PCLO: variants seen among roughly 807,000 people sequenced by gnomAD.
PCLO encodes protein piccolo.
In PCLO, 82 loss-of-function variants were observed where a neutral mutation model predicts 427.5. The observed-to-expected ratio is 0.19, with a 90% CI of 0.16 to 0.23. The LOEUF is 0.23. Among genes scored for constraint, PCLO ranks in the 10% least tolerant of loss-of-function variants. The pLI, the probability that PCLO is intolerant of heterozygous loss-of-function variation, is 1.00. For synonymous variants in PCLO, 2,357 were observed against 2,155.4 expected, an observed-to-expected ratio of 1.09 and a Z score of -2.59; for missense variants, 6,239 against 6,115.9, an observed-to-expected ratio of 1.02 and a Z score of -0.67.
chr7:82,903,574 A>G (rs934241754), intron 8 of PCLO, among the ~76,000 whole-genome samples: 1 of 151,986 alleles, frequency 6.6e-6, no homozygotes, highest in Admixed American at 6.6e-5. Context: ...CTTGTGCTTT[A>G]TATTTCATGG....
Position 82,965,844 on chromosome 7 carries a change from T to A in PCLO, c.3944A>T (p.Lys1315Ile). Residue 1315 changes from lysine (K) to isoleucine (I), a missense_variant, in exon 4 of 25, where the codon AAA becomes ATA. This residue lies in a region of PCLO where 4,677 missense variants were observed against 4,468.4 expected (regional missense o/e 1.05). Transcript: ENST00000333891. ...SLPKEDDKTT[K>I]TIKEQPQPPC... The stretch of plus-strand genomic sequence containing the variant: ...TGGCTGTGGCTGTTCTTTTATTGTT[T>A]TGGTTGTCTTATCATCTTCTTTAGG... 1 of 1,613,958 alleles carries A rather than the reference T, an allele frequency of 6.2e-7. No individual in the cohort carries two copies. The highest frequency in any genetic ancestry group is 8.5e-7 in the Non-Finnish European group (1 of 1,179,856).
chr7:82,816,238 G>A (rs1791676593), intron 20 of PCLO, among the ~76,000 whole-genome samples: 1 of 152,068 alleles, frequency 6.6e-6, no homozygotes, highest in Non-Finnish European at 1.5e-5. Flanking sequence ...AAATAACTAA[G>A]CATTTCATGG....
intron 6 of PCLO, among the ~76,000 whole-genome samples, chr7:82,918,039 A>G (rs1290109433): frequency 6.6e-6 from 1 of 152,012 alleles, no homozygotes; most frequent in Admixed American, 6.6e-5. Context: ...ACATCATAAT[A>G]TGAAACAAAA....
intron 3 of PCLO, among the ~76,000 whole-genome samples, chr7:83,103,034 A>G (rs1288826471): frequency 8.2e-5 from 8 of 97,484 alleles, no homozygotes; most frequent in African/African-American, 3.1e-4. Context: ...GATCACTATA[A>G]TATTGATTGG....
intron 3 of PCLO, among the ~76,000 whole-genome samples, chr7:83,023,284 A>G (rs751574666): frequency 8.5e-5 from 13 of 152,216 alleles, no homozygotes; most frequent in African/African-American, 1.4e-4. Context: ...AAAAGTGACT[A>G]TTCTTAAAAG....
intron 20 of PCLO, chr7:82,820,609 T>G: frequency 1.6e-6 from 2 of 1,229,700 alleles, no homozygotes; most frequent in Non-Finnish European, 2.0e-6. Context: ...AAGAGAGAAC[T>G]TTCACCATGT....
chr7:83,159,789 T>C (rs1005505298), intron 1 of PCLO, among the ~76,000 whole-genome samples: 12 of 151,822 alleles, frequency 7.9e-5, no homozygotes, highest in Admixed American at 2.0e-4. Context: ...TTTGGGACTA[T>C]CTGTTAATTT....
intron 9 of PCLO, among the ~76,000 whole-genome samples, chr7:82,889,145 T>G (rs1023201021): frequency 6.6e-6 from 1 of 152,104 alleles, no homozygotes; most frequent in Admixed American, 6.6e-5. Flanking sequence ...GCACAGCCTT[T>G]GGTTGTTCAG....
intron 3 of PCLO, among the ~76,000 whole-genome samples, chr7:83,016,469 G>C (rs1040799840): frequency 1.3e-5 from 2 of 151,974 alleles, no homozygotes; most frequent in African/African-American, 4.8e-5. Flanking sequence ...TCAACGCTAA[G>C]AAACAAATAT....
Position 82,965,753 on chromosome 7 carries a change from T to C in PCLO, c.4017+18A>G. Reference sequence around the variant, plus strand: ...TTTCACACATGAGAGTGTGAGAAGTTAGTAAAATTTAACTTACTGTTTTTT... The same window carrying C: ...TTTCACACATGAGAGTGTGAGAAGTCAGTAAAATTTAACTTACTGTTTTTT... On this transcript the variant is annotated intron_variant, in intron 4 of 24. Coordinates refer to ENST00000333891, the MANE Select transcript of PCLO (RefSeq NM_033026.6). 2 of 1,522,380 alleles carry C rather than the reference T, an allele frequency of 1.3e-6. No individual in the cohort carries two copies. The highest frequency in any genetic ancestry group is 2.4e-5 in the South Asian group (2 of 82,316). 94.3% of individuals were successfully genotyped at this position (1,522,380 alleles called of 1,614,324 possible).
intron 3 of PCLO, among the ~76,000 whole-genome samples, chr7:83,032,095 T>C (rs1428153260): frequency 6.6e-6 from 1 of 152,142 alleles, no homozygotes; most frequent in East Asian, 1.9e-4. Flanking sequence ...TCTTAAGGCA[T>C]GCAGTAGGAC....
chr7:82,897,466 C>A (rs1023445143), intron 9 of PCLO, among the ~76,000 whole-genome samples: 1 of 151,402 alleles, frequency 6.6e-6, no homozygotes, highest in Non-Finnish European at 1.5e-5. Flanking sequence ...TATGATGCAC[C>A]TGTATAGCTG....
chr7:82,837,349 T>C lies in PCLO; in HGVS notation c.14222+869A>G, dbSNP rs144193718. 2.9e-3 allele frequency among the ~76,000 whole-genome samples: 443 copies of C among 152,024 alleles called. 3 individuals are homozygous for C. The highest frequency in any genetic ancestry group is 0.01 in the African/African-American group (431 of 41,518). The stretch of plus-strand genomic sequence containing the variant: ...GAAAATTTCCAAGTTAAAAGGAAAA[T>C]TCAAATATCACTCCACAAATTAAAA... On this transcript the variant is annotated intron_variant, in intron 15 of 24. Coordinates refer to ENST00000333891, the MANE Select transcript of PCLO (RefSeq NM_033026.6).
chr7:82,768,633 T>C (rs1464576095), intron 22 of PCLO, among the ~76,000 whole-genome samples: 3 of 152,098 alleles, frequency 2.0e-5, no homozygotes, highest in Admixed American at 1.3e-4. Context: ...TTTAACAAAA[T>C]TGATTCTTGC....
chr7:82,869,372 T>C (rs551828427), intron 10 of PCLO, among the ~76,000 whole-genome samples: 2 of 152,214 alleles, frequency 1.3e-5, no homozygotes, highest in African/African-American at 4.8e-5. Context: ...TGTGAACTTA[T>C]TGAAGACTCA....
At chr7:83,050,277 A>ATT (rs1562939064) in intron 3 of PCLO, among the ~76,000 whole-genome samples, 9 of 146,856 alleles carry the variant, frequency 6.1e-5, no homozygotes, top group South Asian at 2.2e-4. Flanking sequence ...TTTTTAAAAA[A>ATT]AAAAAAAAAA....
chr7:82,839,855 T>TTA (rs1792322893), intron 14 of PCLO, among the ~76,000 whole-genome samples: 1 of 152,116 alleles, frequency 6.6e-6, no homozygotes, highest in Non-Finnish European at 1.5e-5. Context: ...ATTCATGGTT[T>TTA]GGTTGTCTAC....
intron 7 of PCLO, among the ~76,000 whole-genome samples, chr7:82,910,691 T>C (rs1471857123): frequency 6.6e-6 from 1 of 152,136 alleles, no homozygotes; most frequent in African/African-American, 2.4e-5. Context: ...GATAAACACA[T>C]TTAAAATATT....
At chr7:83,042,146 T>C (rs1206801001) in intron 3 of PCLO, among the ~76,000 whole-genome samples, 2 of 152,116 alleles carry the variant, frequency 1.3e-5, no homozygotes, top group Non-Finnish European at 2.9e-5. Context: ...AGGTTAATAA[T>C]ATTATTTTTA....
Sources: allele counts gnomAD v4.1 joint callset (sites outside exome capture counted in the v4.1 genomes callset), GRCh38; gene constraint gnomAD v4.1.1; regional missense constraint gnomAD v4.1.1; transcripts MANE v1.5; gene names NCBI Gene and HGNC (gene_info 2026-07-23, HGNC 2026-07-21).